Variants in GRIN2B observed in about 807,000 individuals in gnomAD.
The protein encoded by GRIN2B is glutamate receptor ionotropic, NMDA 2B.
A neutral mutation model predicts 114.5 loss-of-function variants in GRIN2B; 5 were observed. The ratio of observed to expected loss-of-function variants is 0.04; its 90% CI spans 0.02 to 0.09. The LOEUF (loss-of-function observed/expected upper bound fraction) is 0.09. Ranked by LOEUF, GRIN2B falls within the 10% of genes least tolerant of loss-of-function variation. The pLI is 1.00. For synonymous variants in GRIN2B, 787 were observed against 745.1 expected (o/e 1.06, Z -0.92); for missense variants, 1,108 against 1,943.5 (o/e 0.57, Z 8.08).
chr12:13,955,307 T>C (rs1239869182), intron 2 of GRIN2B, among the ~76,000 whole-genome samples: 1 of 152,198 alleles, frequency 6.6e-6, no homozygotes, highest in African/African-American at 2.4e-5. Flanking sequence ...ATCTGACCTA[T>C]AGATAAACCT....
chr12:13,706,161 C>T (rs1016375554), intron 4 of GRIN2B, among the ~76,000 whole-genome samples: 2 of 151,844 alleles, frequency 1.3e-5, no homozygotes, highest in Non-Finnish European at 2.9e-5. Flanking sequence ...GTCCCCTCCA[C>T]CTATTTGATT....
intron 10 of GRIN2B, among the ~76,000 whole-genome samples, chr12:13,591,754 C>T (rs748264630): frequency 1.3e-5 from 2 of 152,118 alleles, no homozygotes; most frequent in Non-Finnish European, 2.9e-5. Context: ...TGCAAAAGAA[C>T]ACATAATACA....
intron 13 of GRIN2B, among the ~76,000 whole-genome samples, chr12:13,566,097 T>C (rs1948635719): frequency 6.6e-6 from 1 of 152,220 alleles, no homozygotes; most frequent in Non-Finnish European, 1.5e-5. Flanking sequence ...CCTCCTGTTC[T>C]GAGCTCACCT....
At chr12:13,640,338 G>C (rs1250544656) in intron 5 of GRIN2B, among the ~76,000 whole-genome samples, 2 of 152,146 alleles carry the variant, frequency 1.3e-5, no homozygotes, top group African/African-American at 4.8e-5. Context: ...TGTAGATTCA[G>C]TTTAGGACTT....
chr12:13,587,919 T>C (rs1403006491), intron 10 of GRIN2B, among the ~76,000 whole-genome samples: 25 of 152,200 alleles, frequency 1.6e-4, no homozygotes, highest in Admixed American at 1.6e-3. Context: ...CCATTAAAAG[T>C]AATTATTTTT....
At chr12:13,604,817 T>C (rs1015954734) in intron 10 of GRIN2B, among the ~76,000 whole-genome samples, 2 of 152,224 alleles carry the variant, frequency 1.3e-5, no homozygotes, top group Admixed American at 1.3e-4. Context: ...ATGACACTGA[T>C]ATGCAGTCAT....
intron 3 of GRIN2B, among the ~76,000 whole-genome samples, chr12:13,802,506 A>G (rs1162872967): frequency 6.6e-6 from 1 of 152,168 alleles, no homozygotes; most frequent in East Asian, 1.9e-4. Flanking sequence ...AAAAAGATTT[A>G]TCTACAAGGA....
intron 2 of GRIN2B, among the ~76,000 whole-genome samples, chr12:13,914,583 A>G (rs1866679750): frequency 6.6e-6 from 1 of 152,242 alleles, no homozygotes; most frequent in African/African-American, 2.4e-5. Context: ...TACATCCCAA[A>G]GAAAGGAAAT....
chr12:13,789,124 T>G (rs931550132), intron 3 of GRIN2B, among the ~76,000 whole-genome samples: 1 of 152,104 alleles, frequency 6.6e-6, no homozygotes, highest in African/African-American at 2.4e-5. Flanking sequence ...AGAGAGAATG[T>G]TTTTAAAACA....
At chr12:13,888,436 T>TAAA (rs3082841) in intron 2 of GRIN2B, among the ~76,000 whole-genome samples, 16 of 145,924 alleles carry the variant, frequency 1.1e-4, no homozygotes, top group African/African-American at 3.5e-4. Flanking sequence ...GCATAAAAGA[T>TAAA]AAAAAAAAAA....
intron 4 of GRIN2B, among the ~76,000 whole-genome samples, chr12:13,719,417 C>CT (rs914038526): frequency 2.3e-5 from 2 of 88,732 alleles, no homozygotes; most frequent in African/African-American, 8.2e-5. Context: ...AGTAGGATCA[C>CT]TTAAAAAAAA....
At chr12:13,879,362 A>G (rs933703916) in intron 2 of GRIN2B, among the ~76,000 whole-genome samples, 2 of 152,220 alleles carry the variant, frequency 1.3e-5, no homozygotes, top group African/African-American at 4.8e-5. Flanking sequence ...GAAGATGTGC[A>G]GTAACGATAC....
chr12:13,889,625 G>A (rs1024880631), intron 2 of GRIN2B, among the ~76,000 whole-genome samples: 2 of 152,110 alleles, frequency 1.3e-5, no homozygotes, highest in African/African-American at 4.8e-5. Flanking sequence ...GCTAGCATGT[G>A]GAATCAGAAG....
At chr12:13,791,516 G>C (rs1394973931) in intron 3 of GRIN2B, among the ~76,000 whole-genome samples, 2 of 151,130 alleles carry the variant, frequency 1.3e-5, no homozygotes, top group Non-Finnish European at 3.0e-5. Context: ...TTTAATGACA[G>C]AAAGAACCAC....
At chr12:13,856,775 G>C (rs1865667965) in intron 3 of GRIN2B, among the ~76,000 whole-genome samples, 1 of 152,088 alleles carries the variant, frequency 6.6e-6, no homozygotes, top group South Asian at 2.1e-4. Context: ...CCTTTCCACT[G>C]TTCACTCTGA....
Position 13,615,136 on chromosome 12 carries a change from A to C in GRIN2B, c.1632T>G (p.Thr544=), listed in dbSNP as rs1484407761. Residue 544 remains threonine, a synonymous_variant, in exon 8 of 14, where the codon ACT becomes ACG. Transcript: ENST00000609686. The surrounding 1 kb of genome is among the most constrained non-coding windows in gnomAD (Gnocchi z 5.8). ...ISVMVSRSNG[T]VSPSAFLEPF... ...TACCTAAGAAGGCAGAAGGTGAGAC[A>C]GTCCCATTGCTGCGTGACACCATGA... is the stretch of plus-strand genomic sequence containing the variant. 1 of 1,613,316 alleles carries C rather than the reference A, an allele frequency of 6.2e-7. No homozygotes were observed. The highest frequency in any genetic ancestry group is 1.3e-5 in the African/African-American group (1 of 74,916).
chr12:13,918,200 G>A (rs1042508936), intron 2 of GRIN2B, among the ~76,000 whole-genome samples: 3 of 152,168 alleles, frequency 2.0e-5, no homozygotes, highest in Non-Finnish European at 4.4e-5. Flanking sequence ...TGTAAAATGG[G>A]AATAGTAATA....
intron 3 of GRIN2B, among the ~76,000 whole-genome samples, chr12:13,785,279 G>T (rs2136659355): frequency 6.6e-6 from 1 of 152,260 alleles, no homozygotes; most frequent in East Asian, 1.9e-4. Flanking sequence ...AACCCCATCT[G>T]CATAATATGT....
intron 4 of GRIN2B, among the ~76,000 whole-genome samples, chr12:13,717,619 C>G (rs945713552): frequency 6.6e-6 from 1 of 151,868 alleles, no homozygotes; most frequent in Non-Finnish European, 1.5e-5. Flanking sequence ...AGTAGACGCG[C>G]GAGAACCCAC....
Sources: allele counts gnomAD v4.1 joint callset (sites outside exome capture counted in the v4.1 genomes callset), GRCh38; gene constraint gnomAD v4.1.1; non-coding constraint Gnocchi (gnomAD v3.1); transcripts MANE v1.5; gene names NCBI Gene and HGNC (gene_info 2026-07-23, HGNC 2026-07-21).